The following MORN5 variants were observed in gnomAD, a reference collection of about 807,000 sequenced individuals.
The protein encoded by MORN5 is MORN repeat-containing protein 5.
In MORN5, 21 loss-of-function variants were observed where a neutral mutation model predicts 22.1. That is an observed-to-expected ratio of 0.95 (90% CI 0.67 to 1.37). The LOEUF is 1.37. MORN5 is among the 40% of genes most tolerant of loss of function. The pLI is 0.00. For missense variants in MORN5, 211 were observed against 215.1 expected, an observed-to-expected ratio of 0.98 and a Z score of 0.12; for synonymous variants, 73 against 74.0, an observed-to-expected ratio of 0.99 and a Z score of 0.07.
chr9:122,195,783 A>G (rs898126834), intron 4 of MORN5, among the ~76,000 whole-genome samples: 11 of 152,140 alleles, frequency 7.2e-5, no homozygotes, highest in Admixed American at 7.2e-4. Flanking sequence ...GCCACGCTTC[A>G]GAAGTGGGGA....
chr9:122,167,353 C>CTTTTTTTT (rs61672512), intron 2 of MORN5, among the ~76,000 whole-genome samples: 1 of 104,550 alleles, frequency 9.6e-6, no homozygotes, highest in Non-Finnish European at 1.9e-5. Context: ...CGCACCTGAC[C>CTTTTTTTT]TTTTTTTTTT....
chr9:122,175,603 C>T, intron 4 of MORN5: 1 of 964,214 alleles, frequency 1.0e-6, no homozygotes, highest in South Asian at 4.8e-5. Flanking sequence ...CGTGCACCCA[C>T]ACGCGCACAT....
intron 4 of MORN5, chr9:122,175,748 C>T (rs1829440786): frequency 4.2e-6 from 4 of 953,802 alleles, no homozygotes; most frequent in Admixed American, 1.2e-4. Flanking sequence ...TGAATGAGAG[C>T]ATCCTCTCCC....
At position 122,169,688 on chromosome 9, in the gene MORN5, A is replaced by G. The variant is rs749282690; in HGVS notation, c.239A>G (p.Asn80Ser). The G allele has an allele frequency of 6.2e-7, 1 of 1,614,096 alleles. No individual in the cohort carries two copies. Among genetic ancestry groups the G allele is most frequent in the South Asian group, 1.1e-5 (1 of 91,072 alleles). The change falls in exon 3 of 5, where the codon AAC (asparagine) becomes AGC (serine). Residue 80 changes from asparagine (N) to serine (S), a missense_variant. Physicochemically the swap from Asn to Ser is conservative, Grantham distance 46 (BLOSUM62 1). Transcript: ENST00000373764. The stretch of plus-strand genomic sequence containing the variant: ...GATGGGCTGCACTATGATGAGAAAA[A>G]CTGGCATTACTGCGACGGCTATGAT... ...FSDGLHYDEK[N>S]WHYCDGYDRR...
In MORN5 at chr9:122,175,756, C is replaced by A. The variant is rs529213213; in HGVS notation, c.439+1129C>A. On this transcript the variant is annotated intron_variant, in intron 4 of 4. Coordinates refer to ENST00000373764, the MANE Select transcript of MORN5 (RefSeq NM_198469.4). ...GTGCTGGTGAATGAGAGCATCCTCT[C>A]CCTATAGGGAAATTTACTCAGTAAG... 6.7e-5 allele frequency: 63 copies of A among 946,006 alleles called. 1 individual carries two copies. In the African/African-American group the frequency reaches 1.0e-3, roughly 16 times the overall value. 58.6% of individuals were successfully genotyped at this position (946,006 alleles called of 1,614,324 possible).
At chr9:122,174,309 A>G (rs1829411284) in intron 3 of MORN5, among the ~76,000 whole-genome samples, 187 bp from the exon 4 acceptor site, 1 of 152,206 alleles carries the variant, frequency 6.6e-6, no homozygotes, top group Non-Finnish European at 1.5e-5. Context: ...CCCAAGAGCC[A>G]TGTTCAGAAA....
chr9:122,181,376 G>A (rs984373068), intron 4 of MORN5, among the ~76,000 whole-genome samples: 1 of 152,182 alleles, frequency 6.6e-6, no homozygotes, highest in Non-Finnish European at 1.5e-5. Context: ...TCCTGAGATT[G>A]GGAAACTAGG....
intron 4 of MORN5, among the ~76,000 whole-genome samples, chr9:122,194,214 C>G (rs941801949): frequency 1.3e-5 from 2 of 152,210 alleles, no homozygotes; most frequent in Non-Finnish European, 2.9e-5. Flanking sequence ...GTCCCTAACA[C>G]TGGCCACATG....
In MORN5 at chr9:122,191,092, T is replaced by C. The variant is rs148340636; in HGVS notation, c.440-8793T>C. On this transcript the variant is annotated intron_variant, in intron 4 of 4. Transcript: ENST00000373764. ...TCCAGCCCTGTGCTCACTGCCACCC[T>C]GGCATTCGGCATAAGCCCTGGGCTG... Among the ~76,000 whole-genome samples the C allele has an allele frequency of 2.8e-3, 426 of 152,326 alleles. 2 individuals are homozygous for C. The highest frequency in any genetic ancestry group is 9.8e-3 in the African/African-American group (408 of 41,586).
intron 3 of MORN5, among the ~76,000 whole-genome samples, chr9:122,172,003 G>A (rs556074925): frequency 6.9e-6 from 1 of 143,954 alleles, no homozygotes; most frequent in East Asian, 2.1e-4. Context: ...TGCCCAGGCT[G>A]GAGTGCAGTG....
chr9:122,180,964 C>T (rs2118767077), intron 4 of MORN5, among the ~76,000 whole-genome samples: 1 of 152,360 alleles, frequency 6.6e-6, no homozygotes, highest in African/African-American at 2.4e-5. Flanking sequence ...AGCATGCAGG[C>T]AGGCAGAGCA....
chr9:122,160,848 C>T (rs930264097), intron 1 of MORN5, among the ~76,000 whole-genome samples: 1 of 152,142 alleles, frequency 6.6e-6, no homozygotes, highest in African/African-American at 2.4e-5. Flanking sequence ...TACTCCTGGG[C>T]TCAAGTGATC....
rs117210521 is a variant in MORN5, at chr9:122,174,347, G to A, written c.308-149G>A. The A allele has an allele frequency of 9.6e-3, 7,907 of 826,236 alleles. 41 individuals are homozygous for A. Among genetic ancestry groups the A allele is most frequent in the Non-Finnish European group, 0.012 (6,482 of 534,366 alleles). 51.2% of individuals were successfully genotyped at this position (826,236 alleles called of 1,614,324 possible). A position where few individuals can be genotyped will look rare whatever the true frequency, so the allele number is the denominator to read the frequency against. On this transcript the variant is annotated intron_variant, in intron 3 of 4. Coordinates refer to ENST00000373764, the MANE Select transcript of MORN5 (RefSeq NM_198469.4). ...TCCTTTGGGGCACCGTTTCTGCTGG[G>A]TTTGCTTCTTGCCCTGAGTAGGGGG... is the stretch of plus-strand genomic sequence containing the variant.
intron 1 of MORN5, 31 bp from the exon 2 acceptor site, chr9:122,166,737 A>C: frequency 6.2e-7 from 1 of 1,600,414 alleles, no homozygotes; most frequent in Non-Finnish European, 8.5e-7. Context: ...GCTGTCACAC[A>C]GGGCTCAGTG....
intron 4 of MORN5, chr9:122,175,606 G>A (rs1015974448): frequency 7.1e-5 from 68 of 958,668 alleles, no homozygotes; most frequent in South Asian, 1.9e-4. Flanking sequence ...GCACCCACAC[G>A]CGCACATGCA....
In MORN5 at chr9:122,197,453, T is replaced by C. The variant is rs531926485; in HGVS notation, c.440-2432T>C. ...TGCAGGTTTAATTCCATTTTAAATA[T>C]TGATGAAATGTGCTTCGGCAACCTC... is the stretch of plus-strand genomic sequence containing the variant. On this transcript the variant is annotated intron_variant, in intron 4 of 4. Coordinates refer to ENST00000373764, the MANE Select transcript of MORN5 (RefSeq NM_198469.4). The surrounding 1 kb of genome is among the most constrained non-coding windows in gnomAD (Gnocchi z 5.7). Among the ~76,000 whole-genome samples the C allele has an allele frequency of 6.6e-6, 1 of 152,224 alleles. No homozygotes were observed. The highest frequency in any genetic ancestry group is 1.9e-4 in the East Asian group (1 of 5,172).
At chr9:122,178,343 G>T (rs527378984) in intron 4 of MORN5, among the ~76,000 whole-genome samples, 1 of 152,240 alleles carries the variant, frequency 6.6e-6, no homozygotes, top group Admixed American at 6.5e-5. Context: ...ACAAAAATTA[G>T]CTGGGCATGG....
chr9:122,191,697 G>T (rs1259904087), intron 4 of MORN5, among the ~76,000 whole-genome samples: 1 of 152,264 alleles, frequency 6.6e-6, no homozygotes, highest in Non-Finnish European at 1.5e-5. Flanking sequence ...CGTGCGAAGA[G>T]CAGGCAGAGC....
At chr9:122,196,053 G>A (rs1426829018) in intron 4 of MORN5, among the ~76,000 whole-genome samples, 1 of 151,684 alleles carries the variant, frequency 6.6e-6, no homozygotes, top group East Asian at 1.9e-4. Flanking sequence ...AACCACCCCA[G>A]GCTCAGGTGA....
Sources: allele counts gnomAD v4.1 joint callset (sites outside exome capture counted in the v4.1 genomes callset), GRCh38; gene constraint gnomAD v4.1.1; non-coding constraint Gnocchi (gnomAD v3.1); transcripts MANE v1.5; gene names NCBI Gene and HGNC (gene_info 2026-07-23, HGNC 2026-07-21).